Variants in NPAT observed in about 807,000 individuals in gnomAD.
NPAT encodes protein NPAT.
NPAT carries 52 observed loss-of-function variants against 130.7 expected under a neutral mutation model. The ratio of observed to expected loss-of-function variants is 0.40; its 90% CI spans 0.32 to 0.50. The LOEUF (loss-of-function observed/expected upper bound fraction) is 0.50. Among genes scored for constraint, NPAT ranks in the 20% least tolerant of loss-of-function variants. The pLI is 0.68. For synonymous variants in NPAT, 580 were observed against 584.8 expected (o/e 0.99, Z 0.12); for missense variants, 1,687 against 1,662.6 (o/e 1.01, Z -0.26).
intron 10 of NPAT, among the ~76,000 whole-genome samples, chr11:108,184,688 G>A (rs2078089643): frequency 6.6e-6 from 1 of 152,050 alleles, no homozygotes. Context: ...GTGTCATGAT[G>A]CCCATATAAT....
In NPAT at chr11:108,172,454, A is replaced by T. The variant is rs766365604; in HGVS notation, c.2530T>A (p.Ser844Thr). The T allele has an allele frequency of 2.5e-6, 4 of 1,614,164 alleles. No individual in the cohort carries two copies. In the Admixed American group the frequency reaches 6.7e-5, roughly 27 times the overall value. Residue 844 changes from serine to threonine, a missense_variant, in exon 13 of 18, where the codon TCC (serine) becomes ACC (threonine). Physicochemically the swap from Ser to Thr is moderately conservative, Grantham distance 58. Around this residue, in one of 3 missense-constraint regions of NPAT, gnomAD observed 1,379 missense variants for 1,346.6 expected, o/e 1.02. Coordinates refer to ENST00000278612, the MANE Select transcript of NPAT (RefSeq NM_002519.3). Reference sequence around the variant, plus strand: ...AACTGTATATATCCTCCATCCTTGGAAACACATGGTGTAACATTAGCTGAA... The same window carrying T: ...AACTGTATATATCCTCCATCCTTGGTAACACATGGTGTAACATTAGCTGAA... ...AFSANVTPCV[S>T]KDGGYIQLMP...
intron 16 of NPAT, 31 bp from the exon 17 acceptor site, chr11:108,162,045 G>A (rs375647453): frequency 1.9e-6 from 3 of 1,609,862 alleles, no homozygotes; most frequent in Admixed American, 3.4e-5. Flanking sequence ...ACTATTTCTA[G>A]CAGCATAAAG....
chr11:108,192,809 C>T (rs2078183306), intron 3 of NPAT, among the ~76,000 whole-genome samples: 1 of 152,114 alleles, frequency 6.6e-6, no homozygotes, highest in South Asian at 2.1e-4. Context: ...CAAATATTAG[C>T]TGGGCATGGT....
At chr11:108,205,533 T>C (rs900766458) in intron 1 of NPAT, among the ~76,000 whole-genome samples, 2 of 152,172 alleles carry the variant, frequency 1.3e-5, no homozygotes, top group African/African-American at 2.4e-5. Flanking sequence ...CCCCACAAAG[T>C]GCTGGGATTA....
Position 108,193,009 on chromosome 11 carries a change from C to T in NPAT, c.218-819G>A, listed in dbSNP as rs542707984. Among the ~76,000 whole-genome samples, 9 of 152,132 alleles carry T rather than the reference C, an allele frequency of 5.9e-5. No homozygotes were observed. The East Asian group carries it at 1.2e-3, about 20-fold the overall frequency. ...ATGAGAAAAAAAACATATGAAAGCA[C>T]GTAGCACAATGCTTATACACAGACA... is the stretch of plus-strand genomic sequence containing the variant. On this transcript the variant is annotated intron_variant, in intron 3 of 17. Transcript: ENST00000278612.
At chr11:108,194,992 T>A (rs554748020) in intron 2 of NPAT, among the ~76,000 whole-genome samples, 20 of 152,176 alleles carry the variant, frequency 1.3e-4, no homozygotes, top group Middle Eastern at 3.4e-3. Flanking sequence ...CCCAGCTAAT[T>A]TTTGTATTTT....
chr11:108,172,921 G>A lies in NPAT; in HGVS notation c.2063C>T (p.Thr688Met), dbSNP rs199837111. 1.5e-4 allele frequency: 237 copies of A among 1,613,968 alleles called. No individual in the cohort carries two copies. Among genetic ancestry groups the A allele is most frequent in the African/African-American group, 6.3e-4 (47 of 74,934 alleles). The stretch of plus-strand genomic sequence containing the variant: ...TTCTACAGGAGTGCCTTCTGGAGGC[G>A]TCAGTGCAACTTTCTCACAGTTAGC... ...GNANCEKVAL[T>M]PPEGTPVENS... The change falls in exon 13 of 18, where the codon ACG becomes ATG. Residue 688 changes from threonine to methionine, a missense_variant. Physicochemically the swap from Thr to Met is moderately conservative, Grantham distance 81. Around this residue, in one of 3 missense-constraint regions of NPAT, gnomAD observed 1,379 missense variants for 1,346.6 expected, o/e 1.02. Transcript: ENST00000278612.
At chr11:108,174,216 A>C (rs2077982884) in intron 12 of NPAT, among the ~76,000 whole-genome samples, 1 of 152,198 alleles carries the variant, frequency 6.6e-6, no homozygotes, top group African/African-American at 2.4e-5. Flanking sequence ...ACTTTAATTT[A>C]TCTACTGTCT....
rs1004423067 is a variant in NPAT at position 108,190,435 on chromosome 11, A to G, written c.331+25T>C. On this transcript the variant is annotated intron_variant, in intron 5 of 17. Coordinates refer to ENST00000278612, the MANE Select transcript of NPAT (RefSeq NM_002519.3). ...TAGTTTAAGTTTGAAGTAATTGTGAACATTGTTTAAAGTTGGATACCAACC... is the reference window on the plus strand; with the variant it reads ...TAGTTTAAGTTTGAAGTAATTGTGAGCATTGTTTAAAGTTGGATACCAACC... 4 of 1,596,272 alleles carry G rather than the reference A, an allele frequency of 2.5e-6. No homozygotes were observed. The African/African-American group carries it at 5.4e-5, about 21-fold the overall frequency.
At chr11:108,160,609 G>GT (rs975569834) in intron 17 of NPAT, among the ~76,000 whole-genome samples, 43 of 152,134 alleles carry the variant, frequency 2.8e-4, no homozygotes, top group African/African-American at 9.9e-4. Flanking sequence ...TGCCTCAGCA[G>GT]TTTTTCCTGA....
chr11:108,189,384 T>C, intron 5 of NPAT, 54 bp from the exon 6 acceptor site: 1 of 1,508,060 alleles, frequency 6.6e-7, no homozygotes, highest in Non-Finnish European at 9.2e-7. Context: ...AGTTTGGGAA[T>C]TGTAAGAAGT....
At chr11:108,200,589 C>T (rs2078266327) in intron 1 of NPAT, among the ~76,000 whole-genome samples, 1 of 152,158 alleles carries the variant, frequency 6.6e-6, no homozygotes, top group East Asian at 1.9e-4. Context: ...AAGGATCCCA[C>T]CTCCTTCTCT....
Position 108,185,254 on chromosome 11 carries a change from A to T in NPAT, c.884T>A (p.Ile295Asn). The T allele has an allele frequency of 6.2e-7, 1 of 1,612,074 alleles. No individual in the cohort carries two copies. Among genetic ancestry groups the T allele is most frequent in the Non-Finnish European group, 8.5e-7 (1 of 1,178,742 alleles). Residue 295 changes from isoleucine (I) to asparagine (N), a missense_variant, in exon 10 of 18, where the codon ATT becomes AAT. Physicochemically the swap from Ile to Asn is moderately radical, Grantham distance 149. This residue lies in a region of NPAT where 1,379 missense variants were observed against 1,346.6 expected (regional missense o/e 1.02). Coordinates refer to ENST00000278612, the MANE Select transcript of NPAT (RefSeq NM_002519.3). ...DNNPTEPETS[I>N]DEFLGLPSEI... is the part of the protein sequence containing the mutation. ...TACCGGAAGTCCTAGGAATTCATCA[A>T]TTGAAGTCTCTGGCTCCGTAGGGTT...
rs1403014003 is a variant in NPAT, at chr11:108,185,239, C to T, written c.899G>A (p.Gly300Glu). ...EPETSIDEFL[G>E]LPSEIHMSEE... is the part of the protein sequence containing the mutation. ...CACCCCAACCACCCATACCGGAAGT[C>T]CTAGGAATTCATCAATTGAAGTCTC... Residue 300 changes from glycine (G) to glutamate (E), a missense_variant, in exon 10 of 18, where the codon GGA becomes GAA. Around this residue, in one of 3 missense-constraint regions of NPAT, gnomAD observed 1,379 missense variants for 1,346.6 expected, o/e 1.02. Coordinates refer to ENST00000278612, the MANE Select transcript of NPAT (RefSeq NM_002519.3). 2.5e-6 allele frequency: 4 copies of T among 1,609,128 alleles called. No homozygotes were observed. Among genetic ancestry groups the T allele is most frequent in the African/African-American group, 1.3e-5 (1 of 74,780 alleles).
At chr11:108,202,761 T>C (rs1314632713) in intron 1 of NPAT, among the ~76,000 whole-genome samples, 2 of 152,012 alleles carry the variant, frequency 1.3e-5, no homozygotes, top group East Asian at 1.9e-4. Context: ...GGCAGATAGA[T>C]TTCACCCCTA....
At chr11:108,181,920 T>C (rs2078062019) in intron 10 of NPAT, among the ~76,000 whole-genome samples, 1 of 152,234 alleles carries the variant, frequency 6.6e-6, no homozygotes, top group Admixed American at 6.5e-5. Context: ...GCTTGAAGTT[T>C]ATCCATAGTG....
At position 108,162,985 on chromosome 11, in the gene NPAT, G is replaced by C. The variant is rs148230387; in HGVS notation, c.3011-805C>G. On this transcript the variant is annotated intron_variant, in intron 15 of 17. Coordinates refer to ENST00000278612, the MANE Select transcript of NPAT (RefSeq NM_002519.3). ...GGAGAGCAGCAAGATATCAAAACTA[G>C]AAAGAAGAGCAAAGATGAGATTATG... Among the ~76,000 whole-genome samples, 117 of 152,280 alleles carry C rather than the reference G, an allele frequency of 7.7e-4. 1 individual carries two copies. Among genetic ancestry groups the C allele is most frequent in the African/African-American group, 2.5e-3 (105 of 41,548 alleles).
At chr11:108,204,614 T>C (rs1591413480) in intron 1 of NPAT, among the ~76,000 whole-genome samples, 2 of 152,368 alleles carry the variant, frequency 1.3e-5, no homozygotes, top group African/African-American at 2.4e-5. Context: ...GTAGCCCTCC[T>C]GCCTTCTGCC....
At chr11:108,213,840 T>C (rs1222615947) in intron 1 of NPAT, among the ~76,000 whole-genome samples, 2 of 152,154 alleles carry the variant, frequency 1.3e-5, no homozygotes, top group African/African-American at 4.8e-5. Context: ...TCCAGACCTT[T>C]CTTATTTATC....
Sources: gnomAD v4.1 joint callset for allele counts (sites outside exome capture counted in the v4.1 genomes callset) on GRCh38, gnomAD v4.1.1 for gene constraint, gnomAD v4.1.1 regional missense constraint, MANE v1.5 for transcripts, NCBI Gene and HGNC (gene_info 2026-07-23, HGNC 2026-07-21) for gene names.